The following SLC5A4 variants were observed in gnomAD, a reference collection of about 807,000 sequenced individuals.
SLC5A4 encodes the protein solute carrier family 5 member 4, also known as probable glucose sensor protein SLC5A4.
In SLC5A4, 55 loss-of-function variants were observed where a neutral mutation model predicts 70.3. The ratio of observed to expected loss-of-function variants is 0.78; its 90% confidence interval spans 0.63 to 0.98. The LOEUF (loss-of-function observed/expected upper bound fraction) is 0.98. Among genes scored for constraint, SLC5A4 ranks in the 50% least tolerant of loss-of-function variants. SLC5A4 has a pLI of 0.00. For synonymous variants in SLC5A4, 268 were observed against 305.7 expected, an observed-to-expected ratio of 0.88 and a Z score of 1.29; for missense variants, 735 against 839.2, an observed-to-expected ratio of 0.88 and a Z score of 1.53.
intron 1 of SLC5A4, 95 bp downstream of exon 1, chr22:32,255,100 G>A: frequency 8.7e-7 from 1 of 1,148,350 alleles, no homozygotes; most frequent in South Asian, 1.3e-5. Flanking sequence ...AATGACATTT[G>A]TGAAAAGCTT....
intron 6 of SLC5A4, 52 bp downstream of exon 6, chr22:32,238,933 G>C: frequency 8.2e-7 from 1 of 1,224,886 alleles, no homozygotes; most frequent in Non-Finnish European, 1.2e-6. Context: ...TGCAGGTTGG[G>C]GTGGGATCAG....
upstream of SLC5A4, among the ~76,000 whole-genome samples, chr22:32,260,281 C>T (rs1332330868): frequency 6.6e-6 from 1 of 152,062 alleles, no homozygotes; most frequent in Non-Finnish European, 1.5e-5. Context: ...TGCTTACATT[C>T]AGTCACAACA....
At chr22:32,334,135 T>C in the SLC5A4 span, among the ~76,000 whole-genome samples, 3,510 of 129,498 alleles carry the variant, frequency 0.027, 139 homozygotes, top group African/African-American at 0.11. Context: ...ATACACACCA[T>C]GCCAGACAAC....
intron 3 of SLC5A4, among the ~76,000 whole-genome samples, chr22:32,250,700 C>T (rs1165506154): frequency 6.6e-6 from 1 of 152,094 alleles, no homozygotes. Context: ...TACTTGGAAT[C>T]AACCCAAATG....
At chr22:32,352,891 G>C in the SLC5A4 span, among the ~76,000 whole-genome samples, 1 of 152,342 alleles carries the variant, frequency 6.6e-6, no homozygotes, top group African/African-American at 2.4e-5. Context: ...CCAGCGCTGA[G>C]TCTTTAGTCT....
At chr22:32,272,951 C>A in the SLC5A4 span, 1 of 538,310 alleles carries the variant, frequency 1.9e-6, no homozygotes. Flanking sequence ...GACCTCCGCA[C>A]CCTCCAGAAT....
chr22:32,246,528 G>GTTTA (rs1166405521), intron 5 of SLC5A4, among the ~76,000 whole-genome samples: 1 of 151,988 alleles, frequency 6.6e-6, no homozygotes, highest in Admixed American at 6.6e-5. Flanking sequence ...ATGTTTGTTT[G>GTTTA]TTTATTTATT....
chr22:32,245,138 G>A (rs1926743960), intron 5 of SLC5A4, among the ~76,000 whole-genome samples: 1 of 152,200 alleles, frequency 6.6e-6, no homozygotes, highest in African/African-American at 2.4e-5. Context: ...GCAGAGGAGA[G>A]TTATGAAAAC....
chr22:32,224,559 C>A, intron 12 of SLC5A4, 77 bp from the exon 13 acceptor site: 4 of 1,194,022 alleles, frequency 3.4e-6, no homozygotes, highest in Non-Finnish European at 4.9e-6. Flanking sequence ...TCATTATAAT[C>A]CTGCCTGCTT....
intron 5 of SLC5A4, among the ~76,000 whole-genome samples, chr22:32,242,439 G>A (rs1452580742): frequency 1.3e-5 from 2 of 152,222 alleles, no homozygotes; most frequent in African/African-American, 4.8e-5. Flanking sequence ...GCTGGGCGTG[G>A]TGGCTCATGC....
At chr22:32,313,300 T>C in the SLC5A4 span, among the ~76,000 whole-genome samples, 1 of 151,684 alleles carries the variant, frequency 6.6e-6, no homozygotes, top group Non-Finnish European at 1.5e-5. Context: ...TTGACACTTG[T>C]TGTTCTGACA....
intron 6 of SLC5A4, 55 bp downstream of exon 6, chr22:32,238,930 T>G: frequency 8.5e-7 from 1 of 1,181,016 alleles, no homozygotes; most frequent in Admixed American, 1.7e-5. Flanking sequence ...AATTGCAGGT[T>G]GGGGTGGGAT....
chr22:32,245,276 A>C (rs1330357506), intron 5 of SLC5A4, among the ~76,000 whole-genome samples: 1 of 152,218 alleles, frequency 6.6e-6, no homozygotes, highest in African/African-American at 2.4e-5. Context: ...CTTAAGACAT[A>C]AACCTGCAGG....
the SLC5A4 span, among the ~76,000 whole-genome samples, chr22:32,344,600 G>T: frequency 6.6e-6 from 1 of 152,052 alleles, no homozygotes; most frequent in East Asian, 1.9e-4. Flanking sequence ...GAGATTTTCA[G>T]TATTCTTTTT....
chr22:32,305,077 C>T, the SLC5A4 span, among the ~76,000 whole-genome samples: 1 of 151,876 alleles, frequency 6.6e-6, no homozygotes, highest in Non-Finnish European at 1.5e-5. Context: ...TGTTCATTGT[C>T]TGTTCTTTTG....
the SLC5A4 span, chr22:32,272,732 T>C: frequency 1.9e-6 from 1 of 515,108 alleles, no homozygotes; most frequent in African/African-American, 1.9e-5. Context: ...ACGCATTCTA[T>C]AGGACCCTGT....
At chr22:32,325,323 T>A in the SLC5A4 span, among the ~76,000 whole-genome samples, 1 of 152,172 alleles carries the variant, frequency 6.6e-6, no homozygotes, top group Non-Finnish European at 1.5e-5. Flanking sequence ...ACCCACGCTG[T>A]GTCAGTGGTG....
Position 32,224,441 on chromosome 22 carries a change from G to A in SLC5A4, c.1491C>T (p.Leu497=), listed in dbSNP as rs556057441. Residue 497 remains leucine (L), a synonymous_variant, in exon 13 of 15, where the codon CTC becomes CTT. Transcript: ENST00000266086. ...AAGCAAACTCTGTTATCATACGAAT[G>A]AGGCCCATTGCAAGTCCAACCATTA... ...WGLMVGLAMG[L]IRMITEFAYG... is the part of the protein sequence containing the mutation. 1 of 1,614,098 alleles carries A rather than the reference G, an allele frequency of 6.2e-7. No individual in the cohort carries two copies. The highest frequency in any genetic ancestry group is 1.1e-5 in the South Asian group (1 of 91,076).
At chr22:32,271,994 C>T in the SLC5A4 span, 1 of 613,524 alleles carries the variant, frequency 1.6e-6, no homozygotes, top group Non-Finnish European at 3.0e-6. Flanking sequence ...ATGAGCAGTG[C>T]ATCCACCCCC....
Sources: gnomAD v4.1 joint callset for allele counts (sites outside exome capture counted in the v4.1 genomes callset) on GRCh38, gnomAD v4.1.1 for gene constraint, MANE v1.5 for transcripts, NCBI Gene and HGNC (gene_info 2026-07-23, HGNC 2026-07-21) for gene names.